VSTM1: variants seen among roughly 807,000 people sequenced by gnomAD.
The protein encoded by VSTM1 is V-set and transmembrane domain-containing protein 1.
Under a neutral mutation model 33.1 loss-of-function variants are expected in VSTM1, and 27 were observed. The ratio of observed to expected loss-of-function variants is 0.82; its 90% CI spans 0.60 to 1.12. The LOEUF (loss-of-function observed/expected upper bound fraction) is 1.12, where lower values mean the gene tolerates loss of function less well. VSTM1 is among the 50% of genes most tolerant of loss of function. The probability of loss-of-function intolerance (pLI) is 0.00; values close to 1 mark genes in which losing one functional copy is unlikely to be tolerated. For missense variants in VSTM1, 304 were observed against 288.9 expected (o/e 1.05, Z -0.38); for synonymous variants, 115 against 110.3 (o/e 1.04, Z -0.27).
chr19:54,044,669 C>T (rs991398221), intron 4 of VSTM1, among the ~76,000 whole-genome samples: 2 of 152,120 alleles, frequency 1.3e-5, no homozygotes, highest in Non-Finnish European at 2.9e-5. Flanking sequence ...TACATCATAG[C>T]GTTTTAAAGT....
chr19:54,062,793 C>G (rs1355153508), intron 1 of VSTM1, among the ~76,000 whole-genome samples: 2 of 151,386 alleles, frequency 1.3e-5, no homozygotes. Flanking sequence ...CAAGGAAGGG[C>G]TGCACCCAGA....
chr19:54,051,016 G>A (rs185673031), intron 4 of VSTM1, among the ~76,000 whole-genome samples: 59 of 151,072 alleles, frequency 3.9e-4, no homozygotes, highest in East Asian at 2.9e-3. Context: ...TAAATAGGCC[G>A]TGTGCGGTGG....
intron 1 of VSTM1, among the ~76,000 whole-genome samples, chr19:54,059,030 A>C (rs2071253889): frequency 1.4e-5 from 2 of 147,076 alleles, no homozygotes; most frequent in Admixed American, 6.9e-5. Context: ...AGCTACGTGT[A>C]TGGAGAAAAT....
chr19:54,048,049 C>T (rs2070680749), intron 4 of VSTM1, among the ~76,000 whole-genome samples: 1 of 149,610 alleles, frequency 6.7e-6, no homozygotes. Flanking sequence ...GAGTCGTTTT[C>T]TAGTGTGTTT....
intron 1 of VSTM1, 87 bp from the exon 2 acceptor site, chr19:54,058,819 G>C: frequency 1.1e-6 from 1 of 902,578 alleles, no homozygotes; most frequent in Non-Finnish European, 1.7e-6. Context: ...GCTCTTTATA[G>C]GTCTGAGATA....
intron 1 of VSTM1, among the ~76,000 whole-genome samples, chr19:54,059,344 A>G (rs2071273362): frequency 6.6e-6 from 1 of 152,040 alleles, no homozygotes; most frequent in African/African-American, 2.4e-5. Context: ...TACAGGCGTG[A>G]GCCACTGCCC....
At chr19:54,041,633 T>C in intron 8 of VSTM1, 146 bp downstream of exon 8, 1 of 912,522 alleles carries the variant, frequency 1.1e-6, no homozygotes, top group Non-Finnish European at 1.6e-6. Context: ...AGATTTTGGT[T>C]CCCATTAGGG....
Position 54,041,610 on chromosome 19 carries a change from G to A in VSTM1, c.591+169C>T, listed in dbSNP as rs889290742. Among the ~76,000 whole-genome samples, 32 of 152,060 alleles carry A rather than the reference G, an allele frequency of 2.1e-4. 1 individual carries two copies. The highest frequency in any genetic ancestry group is 3.9e-4 in the Admixed American group (6 of 15,266). ...GCCACCGCGCCCGGCCCATGCATAA[G>A]CCTTTTAAATGGAGATTTTGGTTCC... is the stretch of plus-strand genomic sequence containing the variant. On this transcript the variant is annotated intron_variant, in intron 8 of 8. Coordinates refer to ENST00000338372, the MANE Select transcript of VSTM1 (RefSeq NM_198481.4).
At chr19:54,063,617 ACC>A in intron 1 of VSTM1, 125 bp downstream of exon 1, 1 of 1,210,514 alleles carries the variant, frequency 8.3e-7, no homozygotes, top group Non-Finnish European at 1.2e-6. Flanking sequence ...GCCCAGACCC[ACC>A]CACCGCAGGT....
intron 1 of VSTM1, among the ~76,000 whole-genome samples, chr19:54,061,016 C>CTTTTTTTTTTTTTT (rs10693760): frequency 8.7e-5 from 10 of 115,042 alleles, no homozygotes; most frequent in East Asian, 4.9e-4. Context: ...TTTTTCTTTT[C>CTTTTTTTTTTTTTT]TTTTTTTTTT....
intron 3 of VSTM1, chr19:54,052,808 G>C (rs1784926271): frequency 6.9e-6 from 1 of 145,612 alleles, no homozygotes; most frequent in Non-Finnish European, 1.5e-5. Context: ...ACTACATCTA[G>C]TCCCTTATTT....
At position 54,042,314 on chromosome 19, in the gene VSTM1, G is replaced by A. The variant is rs796081932; in HGVS notation, c.450C>T (p.Phe150=). ...IFSCISILLL[F]LSVFIIYRCS... ...ATCTGTAGATGATGAAGACTGAGAG[G>A]AAGAGGAGAAGGATGGAGATGCAGC... The change falls in exon 5 of 9, where the codon TTC becomes TTT. Residue 150 remains phenylalanine (F), a synonymous_variant. Transcript: ENST00000338372. The A allele has an allele frequency of 2.5e-6, 4 of 1,613,986 alleles. No individual in the cohort carries two copies. The highest frequency in any genetic ancestry group is 1.3e-5 in the African/African-American group (1 of 74,974).
intron 1 of VSTM1, 91 bp downstream of exon 1, chr19:54,063,653 T>G (rs2071506934): frequency 6.5e-7 from 1 of 1,531,200 alleles, no homozygotes; most frequent in African/African-American, 1.4e-5. Flanking sequence ...AAGTCATTAC[T>G]TCCACACACC....
chr19:54,044,062 G>T (rs79602689), intron 4 of VSTM1, among the ~76,000 whole-genome samples: 1 of 152,060 alleles, frequency 6.6e-6, no homozygotes, highest in African/African-American at 2.4e-5. Flanking sequence ...AGACCACCAC[G>T]CCCAGCCAAC....
intron 1 of VSTM1, among the ~76,000 whole-genome samples, chr19:54,059,051 T>A (rs1031125357): frequency 3.4e-4 from 47 of 139,074 alleles, no homozygotes; most frequent in African/African-American, 1.2e-3. Context: ...TCCAGCAACT[T>A]CTTCTTTCTT....
chr19:54,043,841 G>A (rs1391190763), intron 4 of VSTM1, among the ~76,000 whole-genome samples: 4 of 152,020 alleles, frequency 2.6e-5, no homozygotes, highest in Non-Finnish European at 4.4e-5. Flanking sequence ...GTGAAAGGAC[G>A]GGATGTGAAG....
intron 4 of VSTM1, among the ~76,000 whole-genome samples, chr19:54,051,184 C>T (rs35538041): frequency 0.19 from 28,373 of 151,800 alleles, 3,244 homozygotes; most frequent in African/African-American, 0.32. Flanking sequence ...CCCAGCTATT[C>T]GGGAGGCTGA....
intron 1 of VSTM1, among the ~76,000 whole-genome samples, chr19:54,060,018 A>T (rs1188317038): frequency 7.5e-6 from 1 of 133,234 alleles, no homozygotes; most frequent in East Asian, 2.1e-4. Flanking sequence ...CAGCTAATTA[A>T]TTTTTTTGTA....
intron 1 of VSTM1, among the ~76,000 whole-genome samples, chr19:54,062,252 A>G (rs2071428845): frequency 6.6e-6 from 1 of 152,176 alleles, no homozygotes; most frequent in South Asian, 2.1e-4. Context: ...CAACATTGCA[A>G]ACACCTTGGT....
Sources: gnomAD v4.1 joint callset for allele counts (sites outside exome capture counted in the v4.1 genomes callset) on GRCh38, gnomAD v4.1.1 for gene constraint, MANE v1.5 for transcripts, NCBI Gene and HGNC (gene_info 2026-07-23, HGNC 2026-07-21) for gene names.